The following PLEKHH2 variants were observed in gnomAD, a reference collection of about 807,000 sequenced individuals.
PLEKHH2 encodes pleckstrin homology, MyTH4 and FERM domain containing H2.
A neutral mutation model predicts 187.9 loss-of-function variants in PLEKHH2; 129 were observed. The observed-to-expected ratio is 0.69, with a 90% confidence interval of 0.59 to 0.79. The LOEUF is 0.79. Among genes scored for constraint, PLEKHH2 ranks in the 30% least tolerant of loss-of-function variants. PLEKHH2 has a pLI of 0.00. For synonymous variants in PLEKHH2, 686 were observed against 605.6 expected, an observed-to-expected ratio of 1.13 and a Z score of -1.95; for missense variants, 2,076 against 1,751.2, an observed-to-expected ratio of 1.19 and a Z score of -3.31.
intron 3 of PLEKHH2, among the ~76,000 whole-genome samples, chr2:43,687,673 T>C (rs1205500542): frequency 6.6e-6 from 1 of 152,242 alleles, no homozygotes; most frequent in Non-Finnish European, 1.5e-5. Context: ...TTTTTAATAA[T>C]AGCCATTCTG....
At position 43,731,419 on chromosome 2, in the gene PLEKHH2, G is replaced by T. The variant is rs139161231; in HGVS notation, c.2831-71G>T. On this transcript the variant is annotated intron_variant, in intron 18 of 29. Transcript: ENST00000282406. Reference sequence around the variant, plus strand: ...AAGCCTGAATGAGCTAATGTCTAAAGGATTAATTTAATAAGAGGCCACAAT... The same window carrying T: ...AAGCCTGAATGAGCTAATGTCTAAATGATTAATTTAATAAGAGGCCACAAT... 1.3e-3 allele frequency: 1,356 copies of T among 1,035,212 alleles called. 18 individuals are homozygous for T. In the African/African-American group the frequency reaches 0.019, roughly 15 times the overall value. 64.1% of individuals were successfully genotyped at this position (1,035,212 alleles called of 1,614,324 possible). A position where few individuals can be genotyped will look rare whatever the true frequency, so the allele number is the denominator to read the frequency against.
At chr2:43,680,909 T>C in intron 3 of PLEKHH2, 1 of 638,780 alleles carries the variant, frequency 1.6e-6, no homozygotes, top group Non-Finnish European at 2.7e-6. Context: ...TTCTGCCTGG[T>C]TGAAATTTAT....
At chr2:43,761,417 T>TC (rs1371920099) in intron 27 of PLEKHH2, among the ~76,000 whole-genome samples, 2 of 150,134 alleles carry the variant, frequency 1.3e-5, no homozygotes, top group East Asian at 3.9e-4. Flanking sequence ...TAGCTTTTTT[T>TC]TTTTTTTTTT....
At chr2:43,683,436 G>A (rs1475198371) in intron 3 of PLEKHH2, among the ~76,000 whole-genome samples, 1 of 151,886 alleles carries the variant, frequency 6.6e-6, no homozygotes, top group Non-Finnish European at 1.5e-5. Context: ...ACCTCGCCCG[G>A]CCCTCTTTTT....
chr2:43,639,217 G>A (rs745330488), intron 1 of PLEKHH2, among the ~76,000 whole-genome samples: 1 of 152,176 alleles, frequency 6.6e-6, no homozygotes, highest in Admixed American at 6.5e-5. Context: ...TTTAAACTGC[G>A]ACTTTTTCTT....
At chr2:43,715,549 G>T (rs1333675459) in intron 15 of PLEKHH2, among the ~76,000 whole-genome samples, 1 of 152,184 alleles carries the variant, frequency 6.6e-6, no homozygotes, top group Non-Finnish European at 1.5e-5. Flanking sequence ...TAAGGGAGTG[G>T]TTCCTATGAA....
At chr2:43,715,912 G>T (rs1265697544) in intron 15 of PLEKHH2, among the ~76,000 whole-genome samples, 1 of 152,126 alleles carries the variant, frequency 6.6e-6, no homozygotes, top group East Asian at 1.9e-4. Flanking sequence ...ATTATGTAGG[G>T]CAGGGGAGAG....
intron 8 of PLEKHH2, among the ~76,000 whole-genome samples, chr2:43,703,642 A>G (rs1020912377): frequency 1.3e-5 from 2 of 152,224 alleles, no homozygotes; most frequent in Non-Finnish European, 2.9e-5. Flanking sequence ...ACCATATTCT[A>G]GAATGGTAAG....
intron 24 of PLEKHH2, among the ~76,000 whole-genome samples, chr2:43,749,904 T>C (rs144653184): frequency 7.9e-5 from 12 of 152,360 alleles, no homozygotes; most frequent in Non-Finnish European, 1.5e-4. Context: ...TAACAAGTGA[T>C]GGAATTTTAA....
chr2:43,697,434 G>T, intron 7 of PLEKHH2, 78 bp downstream of exon 7: 1 of 1,191,470 alleles, frequency 8.4e-7, no homozygotes, highest in South Asian at 1.9e-5. Context: ...TCCAAATATA[G>T]CTTAATTTTC....
At chr2:43,714,209 TTTTG>T (rs577234275) in intron 15 of PLEKHH2, among the ~76,000 whole-genome samples, 44 of 152,306 alleles carry the variant, frequency 2.9e-4, no homozygotes, top group Admixed American at 2.6e-3. Flanking sequence ...ACAATTAGGA[TTTTG>T]TTTGCTTGCT....
intron 19 of PLEKHH2, among the ~76,000 whole-genome samples, chr2:43,733,817 A>G (rs12474147): frequency 0.057 from 8,605 of 152,180 alleles, 528 homozygotes; most frequent in African/African-American, 0.15. Flanking sequence ...CTCTACTTTT[A>G]TACATTTTTA....
intron 15 of PLEKHH2, among the ~76,000 whole-genome samples, chr2:43,717,772 A>G (rs1670284348): frequency 6.6e-6 from 1 of 152,384 alleles, no homozygotes; most frequent in Middle Eastern, 3.4e-3. Flanking sequence ...TCTGTGCCTT[A>G]GCATCCTCAC....
intron 24 of PLEKHH2, among the ~76,000 whole-genome samples, chr2:43,751,254 G>C (rs1671998917): frequency 6.6e-6 from 1 of 152,244 alleles, no homozygotes; most frequent in Admixed American, 6.5e-5. Flanking sequence ...ACTTTGCAGA[G>C]TGGTGACTTC....
At chr2:43,755,713 G>C (rs376420141) in intron 25 of PLEKHH2, among the ~76,000 whole-genome samples, 1 of 152,118 alleles carries the variant, frequency 6.6e-6, no homozygotes, top group Non-Finnish European at 1.5e-5. Context: ...AGTCATGTCT[G>C]GTGGCTGATT....
intron 7 of PLEKHH2, 72 bp from the exon 8 acceptor site, chr2:43,699,575 T>C: frequency 6.6e-7 from 1 of 1,512,266 alleles, no homozygotes; most frequent in Non-Finnish European, 8.9e-7. Context: ...ACAGTGTAGC[T>C]ACATAAAGCT....
At chr2:43,679,271 A>G (rs1395962389) in intron 3 of PLEKHH2, among the ~76,000 whole-genome samples, 1 of 152,182 alleles carries the variant, frequency 6.6e-6, no homozygotes, top group Non-Finnish European at 1.5e-5. Context: ...TGAATGCCAT[A>G]TTATAGAAGA....
At chr2:43,749,424 G>A (rs1236379489) in intron 24 of PLEKHH2, among the ~76,000 whole-genome samples, 1 of 152,176 alleles carries the variant, frequency 6.6e-6, no homozygotes, top group Non-Finnish European at 1.5e-5. Flanking sequence ...AAACCAAGCA[G>A]CTCCCCGACC....
chr2:43,649,764 G>C (rs1407477161), intron 2 of PLEKHH2, among the ~76,000 whole-genome samples: 4 of 152,294 alleles, frequency 2.6e-5, no homozygotes, highest in South Asian at 4.1e-4. Context: ...ATAATGTTTG[G>C]TGGTAGAATC....
Sources: gnomAD v4.1 joint callset for allele counts (sites outside exome capture counted in the v4.1 genomes callset) on GRCh38, gnomAD v4.1.1 for gene constraint, MANE v1.5 for transcripts, NCBI Gene and HGNC (gene_info 2026-07-23, HGNC 2026-07-21) for gene names.